The following NDUFC2 variants were observed in gnomAD, a reference collection of about 807,000 sequenced individuals.
NDUFC2 encodes NADH:ubiquinone oxidoreductase subunit C2.
NDUFC2 carries 2 observed loss-of-function variants against 10.1 expected under a neutral mutation model. That is an observed-to-expected ratio of 0.20 (90% CI 0.08 to 0.62). The LOEUF (loss-of-function observed/expected upper bound fraction) is 0.62. Ranked by LOEUF, NDUFC2 falls within the 20% of genes least tolerant of loss-of-function variation. The pLI is 0.87. For synonymous variants in NDUFC2, 61 were observed against 63.6 expected (o/e 0.96, Z 0.20); for missense variants, 156 against 159.6 (o/e 0.98, Z 0.12).
At position 78,069,833 on chromosome 11, in the gene NDUFC2, CA is replaced by C; in HGVS notation, c.*153del. 4 of 1,506,530 alleles carry C rather than the reference CA, an allele frequency of 2.7e-6. No individual in the cohort carries two copies. The highest frequency in any genetic ancestry group is 3.6e-6 in the Non-Finnish European group (4 of 1,106,676). 93.3% of individuals were successfully genotyped at this position (1,506,530 alleles called of 1,614,324 possible). The stretch of plus-strand genomic sequence containing the variant: ...CTCTGATGATGAACTATTTTTCTTA[CA>C]ACAATAAAGAGTCAGAGTACTCATG... On this transcript the variant is annotated 3_prime_UTR_variant, in exon 3 of 3. Coordinates refer to ENST00000281031, the MANE Select transcript of NDUFC2 (RefSeq NM_004549.6).
intron 2 of NDUFC2, among the ~76,000 whole-genome samples, chr11:78,070,979 T>G (rs1403804438): frequency 6.6e-6 from 1 of 152,204 alleles, no homozygotes; most frequent in African/African-American, 2.4e-5. Flanking sequence ...GTAATCAATA[T>G]ATCCAAGATG....
At chr11:78,079,113 C>CAAAAAAA (rs386374249) in intron 1 of NDUFC2, among the ~76,000 whole-genome samples, 59 of 137,572 alleles carry the variant, frequency 4.3e-4, no homozygotes, top group African/African-American at 6.0e-4. Context: ...ATTCAGAGGT[C>CAAAAAAA]AAAAAAAAAA....
chr11:78,078,957 C>G (rs1180631262), intron 1 of NDUFC2, among the ~76,000 whole-genome samples: 1 of 151,414 alleles, frequency 6.6e-6, no homozygotes, highest in Non-Finnish European at 1.5e-5. Flanking sequence ...AATTCCTGAG[C>G]TCAGGCGATC....
intron 1 of NDUFC2, among the ~76,000 whole-genome samples, chr11:78,073,619 T>C (rs949379418): frequency 6.6e-6 from 1 of 151,854 alleles, no homozygotes; most frequent in Non-Finnish European, 1.5e-5. Context: ...CCAGTTCACA[T>C]GGTGAAACCC....
chr11:78,072,846 G>T, intron 2 of NDUFC2, 152 bp downstream of exon 2: 2 of 1,105,122 alleles, frequency 1.8e-6, no homozygotes, highest in South Asian at 1.7e-5. Flanking sequence ...TCAGAAACTG[G>T]ATATATTAAT....
intron 1 of NDUFC2, among the ~76,000 whole-genome samples, chr11:78,079,302 C>G (rs1859404128): frequency 6.6e-6 from 1 of 152,160 alleles, no homozygotes; most frequent in African/African-American, 2.4e-5. Context: ...CATTTGCGCA[C>G]ACAGCACAAC....
Position 78,079,811 on chromosome 11 carries a change from C to A in NDUFC2, c.-67G>T. ...ACTACAAGGAAAACCACGACGACCA[C>A]TACCCCGGCCTAAGCGGTCAGCTTT... On this transcript the variant is annotated 5_prime_UTR_variant, in exon 1 of 3. Coordinates refer to ENST00000281031, the MANE Select transcript of NDUFC2 (RefSeq NM_004549.6). The A allele has an allele frequency of 1.3e-6, 2 of 1,526,226 alleles. No homozygotes were observed. Among genetic ancestry groups the A allele is most frequent in the Non-Finnish European group, 8.8e-7 (1 of 1,139,704 alleles). The allele number at this position is 1,526,226 out of a possible 1,614,324, so 94.5% of individuals were successfully genotyped here.
In NDUFC2 at chr11:78,073,132, C is replaced by A; in HGVS notation, c.176G>T (p.Arg59Leu). The A allele has an allele frequency of 6.2e-7, 1 of 1,611,296 alleles. No individual in the cohort carries two copies. The highest frequency in any genetic ancestry group is 8.5e-7 in the Non-Finnish European group (1 of 1,179,516). Residue 59 changes from arginine (R) to leucine (L), a missense_variant, in exon 2 of 3, where the codon CGC becomes CTC. Physicochemically the swap from Arg to Leu is moderately radical, Grantham distance 102. Transcript: ENST00000281031. ...AAAGGCCGTAATATATAGAAGCTGG[C>A]GATGCAAACCTGAAATTCAAATGAC... ...RRPIATAGLH[R>L]QLLYITAFFF...
At chr11:78,072,887 G>A in intron 2 of NDUFC2, 111 bp downstream of exon 2, 1 of 1,422,596 alleles carries the variant, frequency 7.0e-7, no homozygotes, top group Non-Finnish European at 9.4e-7. Context: ...AGACTAAGAT[G>A]TGGGAGTCAA....
chr11:78,072,091 G>A (rs1187292448), intron 2 of NDUFC2, among the ~76,000 whole-genome samples: 1 of 152,190 alleles, frequency 6.6e-6, no homozygotes, highest in Non-Finnish European at 1.5e-5. Flanking sequence ...CAGAGGACAG[G>A]CAATTAGCTA....
intron 1 of NDUFC2, among the ~76,000 whole-genome samples, chr11:78,077,291 CAAA>C (rs56150653): frequency 1.8e-5 from 2 of 113,204 alleles, no homozygotes; most frequent in African/African-American, 3.3e-5. Flanking sequence ...GACCCTGTCT[CAAA>C]AAAAAAAAAA....
In NDUFC2 at chr11:78,079,770, T is replaced by C. The variant is rs1280309830; in HGVS notation, c.-26A>G. 1 of 1,594,230 alleles carries C rather than the reference T, an allele frequency of 6.3e-7. No individual in the cohort carries two copies. Among genetic ancestry groups the C allele is most frequent in the Non-Finnish European group, 8.5e-7 (1 of 1,172,830 alleles). On this transcript the variant is annotated 5_prime_UTR_variant, in exon 1 of 3. Transcript: ENST00000281031. ...GGTGACGCCGTTTCCACTTGAGGCC[T>C]GGTCTCAGACCACGAACTACAAGGA...
chr11:78,078,485 T>TC (rs1264581020), intron 1 of NDUFC2, among the ~76,000 whole-genome samples: 4 of 152,110 alleles, frequency 2.6e-5, no homozygotes, highest in African/African-American at 9.7e-5. Flanking sequence ...CAAAGACCCC[T>TC]CTTCCAAAGT....
chr11:78,070,059 A>G, intron 2 of NDUFC2, 23 bp from the exon 3 acceptor site: 1 of 1,450,064 alleles, frequency 6.9e-7, no homozygotes, highest in South Asian at 1.2e-5. Context: ...AGATCATAAA[A>G]GATTTATTTT....
Position 78,073,262 on chromosome 11 carries a change from C to G in NDUFC2, c.167-121G>C. On this transcript the variant is annotated intron_variant, in intron 1 of 2. Coordinates refer to ENST00000281031, the MANE Select transcript of NDUFC2 (RefSeq NM_004549.6). ...ATCCCAGCACTTTGGGAGGCCAAGA[C>G]AGGTGGATCACCTGAGGTCAGGAGT... 7 of 1,451,566 alleles carry G rather than the reference C, an allele frequency of 4.8e-6. No homozygotes were observed. In the Middle Eastern group the frequency reaches 1.2e-3, roughly 257 times the overall value. 89.9% of individuals were successfully genotyped at this position (1,451,566 alleles called of 1,614,324 possible). A position where few individuals can be genotyped will look rare whatever the true frequency, so the allele number is the denominator to read the frequency against.
intron 2 of NDUFC2, among the ~76,000 whole-genome samples, chr11:78,070,267 G>C (rs1858945967): frequency 1.3e-5 from 2 of 152,224 alleles, no homozygotes; most frequent in South Asian, 4.2e-4. Context: ...TCATGAGGGG[G>C]ATCGGCTTAG....
rs1259385072 is a variant in NDUFC2, at chr11:78,068,358, C to T, written c.*1629G>A. The T allele has an allele frequency of 1.3e-5, 2 of 152,156 alleles. No individual in the cohort carries two copies. The highest frequency in any genetic ancestry group is 1.9e-4 in the East Asian group (1 of 5,198). The allele number at this position is 152,156 out of a possible 1,614,324, so 9.4% of individuals were successfully genotyped here. ...AAAAATCCAAAGCCTTGTATTTGTA[C>T]ATCTTTATTATTTCTAAAGCACTTT... is the stretch of plus-strand genomic sequence containing the variant. On this transcript the variant is annotated 3_prime_UTR_variant, in exon 3 of 3. Transcript: ENST00000281031.
At chr11:78,079,150 C>T (rs899915683) in intron 1 of NDUFC2, among the ~76,000 whole-genome samples, 1 of 148,532 alleles carries the variant, frequency 6.7e-6, no homozygotes, top group African/African-American at 2.5e-5. Flanking sequence ...ACTTAATAGC[C>T]ATATGACCTT....
intron 1 of NDUFC2, among the ~76,000 whole-genome samples, chr11:78,075,202 C>T (rs1859194244): frequency 6.6e-6 from 1 of 152,138 alleles, no homozygotes; most frequent in Admixed American, 6.5e-5. Flanking sequence ...AAATTTCGGG[C>T]ACATTAAGTG....
Sources: allele counts gnomAD v4.1 joint callset (sites outside exome capture counted in the v4.1 genomes callset), GRCh38; gene constraint gnomAD v4.1.1; transcripts MANE v1.5; gene names NCBI Gene and HGNC (gene_info 2026-07-23, HGNC 2026-07-21).